Variants in ZNF124 observed in about 807,000 individuals in gnomAD.
ZNF124 encodes the protein zinc finger protein HZF-16.
A neutral mutation model predicts 26.6 loss-of-function variants in ZNF124; 25 were observed. The ratio of observed to expected loss-of-function variants is 0.94; its 90% CI spans 0.68 to 1.31. The LOEUF (loss-of-function observed/expected upper bound fraction) is 1.31, where lower values mean the gene tolerates loss of function less well. ZNF124 is among the 40% of genes most tolerant of loss of function. The probability of loss-of-function intolerance (pLI) is 0.00; values close to 1 mark genes in which losing one functional copy is unlikely to be tolerated. For synonymous variants in ZNF124, 129 were observed against 133.3 expected (o/e 0.97, Z 0.22); for missense variants, 444 against 422.2 (o/e 1.05, Z -0.45).
chr1:247,148,364 A>T (rs1672840218), intron 3 of ZNF124, among the ~76,000 whole-genome samples: 1 of 152,196 alleles, frequency 6.6e-6, no homozygotes, highest in Admixed American at 6.5e-5. Context: ...AAGGTTATAG[A>T]TTTATCAGAA....
At chr1:247,150,468 A>G (rs978113112), downstream of ZNF124, among the ~76,000 whole-genome samples, 1 of 152,214 alleles carries the variant, frequency 6.6e-6, no homozygotes, top group Non-Finnish European at 1.5e-5. Flanking sequence ...AGCAAATGAA[A>G]AAGAATTCAT....
intron 3 of ZNF124, among the ~76,000 whole-genome samples, chr1:247,158,031 C>T (rs865991237): frequency 4.8e-4 from 73 of 151,972 alleles, no homozygotes; most frequent in African/African-American, 1.7e-3. Context: ...GGGCAGATCA[C>T]TTGAGGTCAG....
chr1:247,156,599 A>G lies in ZNF124; in HGVS notation c.1023T>C (p.Thr341=). 6.4e-7 allele frequency: 1 copy of G among 1,556,672 alleles called. No individual in the cohort carries two copies. The highest frequency in any genetic ancestry group is 8.6e-7 in the Non-Finnish European group (1 of 1,158,926). The part of the protein sequence containing the change: ...STLWKHKKTH[T]GEKPYKCKKM ...TTTTACATTTATAGGGCTTTTCTCC[A>G]GTATGAGTTTTTTTATGCTTCCAAA... Residue 341 remains threonine, a synonymous_variant, in exon 4 of 4, where the codon ACT becomes ACC. Coordinates refer to ENST00000543802, the MANE Select transcript of ZNF124 (RefSeq NM_001297568.2).
At chr1:247,145,949 A>G (rs899191951) in intron 3 of ZNF124, among the ~76,000 whole-genome samples, 1 of 152,338 alleles carries the variant, frequency 6.6e-6, no homozygotes, top group Admixed American at 6.5e-5. Context: ...GTGACTGGAC[A>G]CAGCAGTAAA....
intron 3 of ZNF124, among the ~76,000 whole-genome samples, chr1:247,142,852 T>C (rs1203488377): frequency 6.6e-6 from 1 of 152,040 alleles, no homozygotes; most frequent in Admixed American, 6.5e-5. Context: ...TTTTTTTTTT[T>C]TTACATATAT....
intron 3 of ZNF124, among the ~76,000 whole-genome samples, chr1:247,124,883 G>T (rs75752536): frequency 3.9e-4 from 59 of 152,086 alleles, no homozygotes; most frequent in African/African-American, 1.4e-3. Context: ...CTGCATCCTC[G>T]ACCTCCCCAG....
downstream of ZNF124, among the ~76,000 whole-genome samples, chr1:247,151,580 C>T (rs992256573): frequency 6.6e-6 from 1 of 151,388 alleles, no homozygotes; most frequent in Admixed American, 6.6e-5. Flanking sequence ...AAAAGTGGTA[C>T]AATTTTGGAA....
At chr1:247,172,364 G>T (rs142707315), upstream of ZNF124, among the ~76,000 whole-genome samples, 19 of 152,020 alleles carry the variant, frequency 1.2e-4, no homozygotes, top group African/African-American at 4.1e-4. Flanking sequence ...TAACCTTCAT[G>T]GCCTCTGGTC....
chr1:247,155,778 G>A lies in ZNF124; in HGVS notation c.*788C>T, dbSNP rs993401502. The A allele has an allele frequency of 1.1e-4, 35 of 320,648 alleles. No individual in the cohort carries two copies. The highest frequency in any genetic ancestry group is 1.4e-4 in the Non-Finnish European group (32 of 223,438). The allele number at this position is 320,648 out of a possible 1,614,324, so 19.9% of individuals were successfully genotyped here. A position where few individuals can be genotyped will look rare whatever the true frequency, so the allele number is the denominator to read the frequency against. On this transcript the variant is annotated 3_prime_UTR_variant, in exon 4 of 4. Coordinates refer to ENST00000543802, the MANE Select transcript of ZNF124 (RefSeq NM_001297568.2). ...CAGGAGGCTGAGGCAGGAGAATGGC[G>A]TGAACCTGGGAGGCAGAGCTTACAG...
At chr1:247,167,359 C>CT (rs1673839006) in intron 1 of ZNF124, among the ~76,000 whole-genome samples, 1 of 152,192 alleles carries the variant, frequency 6.6e-6, no homozygotes, top group African/African-American at 2.4e-5. Context: ...ACAGCACAGA[C>CT]TTACCCACTC....
At chr1:247,122,096 T>A (rs949613036) in exon 4 of ZNF124, 8 of 152,230 alleles carry the variant, frequency 5.3e-5, no homozygotes, top group African/African-American at 1.9e-4. Context: ...CATCCACTGT[T>A]TCATTAATAT....
chr1:247,122,432 A>G (rs1194939348), exon 4 of ZNF124: 3 of 152,560 alleles, frequency 2.0e-5, no homozygotes, highest in African/African-American at 7.2e-5. Context: ...GTGTGACTTC[A>G]ATAGCAAAGA....
chr1:247,143,044 TAAAG>T (rs1439446243), intron 3 of ZNF124, among the ~76,000 whole-genome samples: 1 of 152,158 alleles, frequency 6.6e-6, no homozygotes. Flanking sequence ...ATTTTATCCA[TAAAG>T]AATCTGCATG....
chr1:247,154,203 G>A (rs891511093), downstream of ZNF124, among the ~76,000 whole-genome samples: 2 of 152,312 alleles, frequency 1.3e-5, no homozygotes, highest in African/African-American at 2.4e-5. Context: ...CGTGTCAAGG[G>A]CAAGACCAGG....
rs977320439 is a variant in ZNF124, at chr1:247,155,273, C to G, written c.*1293G>C. On this transcript the variant is annotated 3_prime_UTR_variant, in exon 4 of 4. Coordinates refer to ENST00000543802, the MANE Select transcript of ZNF124 (RefSeq NM_001297568.2). ...AGAAAATAGACTCATTTATCAATGG[C>G]CAATTAATAACAAAATAATTAAACT... Among the ~76,000 whole-genome samples the G allele has an allele frequency of 6.6e-6, 1 of 152,064 alleles. No homozygotes were observed. Among genetic ancestry groups the G allele is most frequent in the South Asian group, 2.1e-4 (1 of 4,826 alleles).
chr1:247,158,476 GT>G (rs1673280850), intron 3 of ZNF124, among the ~76,000 whole-genome samples: 1 of 152,044 alleles, frequency 6.6e-6, no homozygotes, highest in Non-Finnish European at 1.5e-5. Flanking sequence ...CTCAGCCTAG[GT>G]ATTCCTTTAT....
intron 3 of ZNF124, among the ~76,000 whole-genome samples, chr1:247,124,208 C>CT (rs550995743): frequency 0.069 from 9,753 of 141,982 alleles, 349 homozygotes; most frequent in Non-Finnish European, 0.077. Context: ...GATTTTGTGG[C>CT]TTTTTTTTTT....
At chr1:247,163,713 A>G (rs4925767) in intron 1 of ZNF124, among the ~76,000 whole-genome samples, 17,381 of 152,140 alleles carry the variant, frequency 0.11, 1,252 homozygotes, top group African/African-American at 0.18. Context: ...TGTATTAAGA[A>G]GAGCTGGTAC....
intron 3 of ZNF124, among the ~76,000 whole-genome samples, chr1:247,137,008 A>G (rs1286769663): frequency 6.6e-6 from 1 of 151,980 alleles, no homozygotes; most frequent in Non-Finnish European, 1.5e-5. Context: ...AATCCTAAGC[A>G]AAAAGAACAA....
Sources: gnomAD v4.1 joint callset for allele counts (sites outside exome capture counted in the v4.1 genomes callset) on GRCh38, gnomAD v4.1.1 for gene constraint, MANE v1.5 for transcripts, NCBI Gene and HGNC (gene_info 2026-07-23, HGNC 2026-07-21) for gene names.